GRM8: variants seen among roughly 807,000 people sequenced by gnomAD.
GRM8 encodes metabotropic glutamate receptor 8.
Under a neutral mutation model 87.2 loss-of-function variants are expected in GRM8, and 47 were observed. The observed-to-expected ratio is 0.54, with a 90% CI of 0.43 to 0.69. The LOEUF (loss-of-function observed/expected upper bound fraction) is 0.69, where lower values mean the gene tolerates loss of function less well. GRM8 is among the 30% of genes least tolerant of loss of function. The pLI is 0.00. For missense variants in GRM8, 1,019 were observed against 1,139.2 expected (o/e 0.89, Z 1.52); for synonymous variants, 396 against 404.5 (o/e 0.98, Z 0.25).
chr7:126,602,243 AGG>A (rs1797859677), intron 8 of GRM8, among the ~76,000 whole-genome samples: 1 of 144,980 alleles, frequency 6.9e-6, no homozygotes, highest in Non-Finnish European at 1.5e-5. Flanking sequence ...AGATAGTTGT[AGG>A]TATGCGGCAT....
intron 3 of GRM8, among the ~76,000 whole-genome samples, chr7:126,942,652 T>A (rs896586077): frequency 1.3e-5 from 2 of 152,096 alleles, no homozygotes; most frequent in Non-Finnish European, 2.9e-5. Flanking sequence ...CTAGTCCAAG[T>A]CCCCAGTGCA....
intron 2 of GRM8, among the ~76,000 whole-genome samples, chr7:127,220,656 A>T (rs9690723): frequency 2.0e-5 from 3 of 146,946 alleles, no homozygotes; most frequent in Non-Finnish European, 3.0e-5. Flanking sequence ...AGCTAATTTT[A>T]AAAAAAAAAA....
At chr7:126,681,951 AT>A (rs1807645010) in intron 7 of GRM8, among the ~76,000 whole-genome samples, 1 of 152,160 alleles carries the variant, frequency 6.6e-6, no homozygotes, top group Admixed American at 6.5e-5. Context: ...CTTTATGAGT[AT>A]GTTTTACTTG....
chr7:127,106,771 G>T, intron 2 of GRM8, 59 bp from the exon 3 acceptor site: 1 of 1,228,874 alleles, frequency 8.1e-7, no homozygotes, highest in South Asian at 1.2e-5. Flanking sequence ...ATGATGGATT[G>T]TCATATGAGC....
At position 126,771,129 on chromosome 7, in the gene GRM8, C is replaced by T. The variant is rs78150666; in HGVS notation, c.1157-1064G>A. Among the ~76,000 whole-genome samples, 10 of 152,146 alleles carry T rather than the reference C, an allele frequency of 6.6e-5. No individual in the cohort carries two copies. In the East Asian group the frequency reaches 1.9e-3, roughly 29 times the overall value. On this transcript the variant is annotated intron_variant, in intron 6 of 10. Transcript: ENST00000339582. Reference sequence around the variant, plus strand: ...TTAAACTTTCCATGGATGTTACTAACCTTGAATAAATTGTATTTAAATTCA... The same window carrying T: ...TTAAACTTTCCATGGATGTTACTAATCTTGAATAAATTGTATTTAAATTCA...
intron 6 of GRM8, among the ~76,000 whole-genome samples, chr7:126,788,420 A>ACAAAACAAAAACAAAAAAAAAAAAAAC (rs1554492200): frequency 1.2e-5 from 1 of 81,138 alleles, no homozygotes; most frequent in African/African-American, 4.6e-5. Flanking sequence ...AAAAAAAAAA[A>ACAAAACAAAAACAAAAAAAAAAAAAAC]AAACCCTTTC....
chr7:127,123,975 C>A (rs1450979829), intron 2 of GRM8, among the ~76,000 whole-genome samples: 1 of 152,100 alleles, frequency 6.6e-6, no homozygotes, highest in Admixed American at 6.6e-5. Flanking sequence ...CATGCAGCAG[C>A]CTTTTTGAGC....
intron 2 of GRM8, among the ~76,000 whole-genome samples, chr7:127,113,469 T>C (rs949297266): frequency 1.4e-5 from 2 of 140,436 alleles, no homozygotes; most frequent in Non-Finnish European, 3.3e-5. Context: ...AAAGGGTTTT[T>C]TTTTGTTTTT....
intron 2 of GRM8, among the ~76,000 whole-genome samples, chr7:127,123,011 AC>A (rs1038313830): frequency 6.6e-6 from 1 of 151,932 alleles, no homozygotes; most frequent in Admixed American, 6.6e-5. Flanking sequence ...GAAAAGAAAG[AC>A]TTTTAATCCC....
chr7:126,448,167 G>A (rs1295140828), intron 9 of GRM8, among the ~76,000 whole-genome samples: 4 of 151,838 alleles, frequency 2.6e-5, no homozygotes, highest in Admixed American at 6.6e-5. Flanking sequence ...ATGTGGCAAA[G>A]TACAAACCAC....
chr7:127,236,776 G>T (rs1294105132), intron 2 of GRM8, among the ~76,000 whole-genome samples: 1 of 152,132 alleles, frequency 6.6e-6, no homozygotes, highest in Non-Finnish European at 1.5e-5. Context: ...TTCCAACATT[G>T]AGATTGGGAT....
intron 2 of GRM8, among the ~76,000 whole-genome samples, chr7:127,133,078 A>G (rs1275316812): frequency 6.6e-6 from 1 of 152,230 alleles, no homozygotes. Context: ...AGTGCAAACT[A>G]TAATTGTGCC....
chr7:126,862,455 C>A (rs1264116937), intron 6 of GRM8, among the ~76,000 whole-genome samples: 1 of 151,906 alleles, frequency 6.6e-6, no homozygotes, highest in Non-Finnish European at 1.5e-5. Flanking sequence ...CTTCTAAAAT[C>A]TGTCAGTAAG....
intron 3 of GRM8, among the ~76,000 whole-genome samples, chr7:127,015,066 A>AGAAGAAGAAGAGGAG (rs1454124629): frequency 1.9e-5 from 2 of 104,510 alleles, no homozygotes; most frequent in African/African-American, 6.1e-5. Context: ...AAGAAGAAGA[A>AGAAGAAGAAGAGGAG]GAAAGAAAGA....
At chr7:126,779,134 T>G (rs1301394090) in intron 6 of GRM8, among the ~76,000 whole-genome samples, 2 of 152,082 alleles carry the variant, frequency 1.3e-5, no homozygotes, top group Non-Finnish European at 2.9e-5. Flanking sequence ...TATCTAATAT[T>G]TAATCATTCA....
intron 3 of GRM8, among the ~76,000 whole-genome samples, chr7:126,912,332 G>A (rs558382786): frequency 6.6e-6 from 1 of 152,310 alleles, no homozygotes; most frequent in African/African-American, 2.4e-5. Context: ...GAACAAAAAT[G>A]TAGACCAAGG....
chr7:126,568,213 C>T (rs1585077957), intron 8 of GRM8, among the ~76,000 whole-genome samples: 1 of 152,144 alleles, frequency 6.6e-6, no homozygotes, highest in Middle Eastern at 3.4e-3. Context: ...TGTGTATGTG[C>T]CTCCTCTTTA....
intron 7 of GRM8, among the ~76,000 whole-genome samples, chr7:126,638,649 A>T (rs570750066): frequency 6.6e-6 from 1 of 152,318 alleles, no homozygotes; most frequent in South Asian, 2.1e-4. Flanking sequence ...GCAGGATAAA[A>T]AGCAATTGTC....
intron 9 of GRM8, among the ~76,000 whole-genome samples, chr7:126,526,127 G>A (rs1442274064): frequency 6.6e-6 from 1 of 152,076 alleles, no homozygotes; most frequent in African/African-American, 2.4e-5. Flanking sequence ...CTGGCACCCT[G>A]TATGTTCCAT....
Sources: gnomAD v4.1 joint callset for allele counts (sites outside exome capture counted in the v4.1 genomes callset) on GRCh38, gnomAD v4.1.1 for gene constraint, MANE v1.5 for transcripts, NCBI Gene and HGNC (gene_info 2026-07-23, HGNC 2026-07-21) for gene names.